Variants in C13orf46 observed in about 807,000 individuals in gnomAD.
C13orf46 encodes the protein chromosome 13 open reading frame 46.
chr13:113,945,672 G>GAAAGAAA, the C13orf46 span, among the ~76,000 whole-genome samples: 8 of 131,306 alleles, frequency 6.1e-5, no homozygotes, highest in Non-Finnish European at 1.2e-4. Flanking sequence ...AAGAAAGAAA[G>GAAAGAAA]GAAAGAAAAA....
chr13:113,958,078 CTGTA>C (rs2052556328), intron 6 of C13orf46, among the ~76,000 whole-genome samples: 1 of 144,524 alleles, frequency 6.9e-6, no homozygotes, highest in Non-Finnish European at 1.5e-5. Flanking sequence ...CCCCTGCACT[CTGTA>C]TGCACCCCCT....
the C13orf46 span, among the ~76,000 whole-genome samples, chr13:113,933,968 T>G: frequency 6.6e-6 from 1 of 152,196 alleles, no homozygotes; most frequent in Non-Finnish European, 1.5e-5. Flanking sequence ...GTGGAGATTC[T>G]GCGATGTGTG....
At chr13:113,972,503 G>A (rs1359091255) in intron 1 of C13orf46, among the ~76,000 whole-genome samples, 1 of 152,200 alleles carries the variant, frequency 6.6e-6, no homozygotes, top group African/African-American at 2.4e-5. Flanking sequence ...CGCGGGAGGG[G>A]AGGGGAGCGC....
At chr13:113,935,416 G>A in the C13orf46 span, among the ~76,000 whole-genome samples, 1 of 152,268 alleles carries the variant, frequency 6.6e-6, no homozygotes, top group African/African-American at 2.4e-5. Context: ...CGGCTGTGAA[G>A]CGCTGGCCCT....
the C13orf46 span, among the ~76,000 whole-genome samples, chr13:113,929,561 C>T: frequency 6.6e-6 from 1 of 152,234 alleles, no homozygotes. Flanking sequence ...TGGGCCAAGG[C>T]TGGACAGGGA....
chr13:113,942,070 G>C, the C13orf46 span, among the ~76,000 whole-genome samples: 2 of 152,372 alleles, frequency 1.3e-5, no homozygotes, highest in East Asian at 3.9e-4. Context: ...GGGCCAACAT[G>C]AAGAGCTGCC....
the C13orf46 span, among the ~76,000 whole-genome samples, chr13:113,946,820 G>C: frequency 6.6e-6 from 1 of 152,280 alleles, no homozygotes; most frequent in East Asian, 1.9e-4. Flanking sequence ...GCGCCCGGCA[G>C]CTCTCTGAGG....
the C13orf46 span, among the ~76,000 whole-genome samples, chr13:113,941,956 A>G: frequency 2.6e-5 from 4 of 152,350 alleles, no homozygotes; most frequent in South Asian, 2.1e-4. Context: ...TTGCTCCTCC[A>G]GAGCAGGGAA....
In C13orf46 at chr13:113,956,437, T is replaced by C. The variant is rs2052535295; in HGVS notation, c.*336A>G. 1.9e-5 allele frequency: 3 copies of C among 155,868 alleles called. No individual in the cohort carries two copies. The highest frequency in any genetic ancestry group is 3.7e-4 in the South Asian group (2 of 5,346). The allele number at this position is 155,868 out of a possible 1,614,324, so 9.7% of individuals were successfully genotyped here. A position where few individuals can be genotyped will look rare whatever the true frequency, so the allele number is the denominator to read the frequency against. Reference sequence around the variant, plus strand: ...GGTGGAGAGGAGGAGCATCTTCCCGTGCTTGTTTATTGTGTTTGTTGAAGG... The same window carrying C: ...GGTGGAGAGGAGGAGCATCTTCCCGCGCTTGTTTATTGTGTTTGTTGAAGG... On this transcript the variant is annotated 3_prime_UTR_variant, in exon 7 of 7. Transcript: ENST00000636427.
intron 6 of C13orf46, among the ~76,000 whole-genome samples, chr13:113,959,900 A>G (rs1361467599): frequency 6.6e-6 from 1 of 152,246 alleles, no homozygotes; most frequent in East Asian, 1.9e-4. Flanking sequence ...AATTTTGAAA[A>G]GAATTCTGTG....
downstream of C13orf46, among the ~76,000 whole-genome samples, chr13:113,950,436 G>A (rs1002364882): frequency 6.6e-5 from 10 of 150,918 alleles, no homozygotes; most frequent in Non-Finnish European, 1.5e-4. Context: ...CCCATCTGTA[G>A]AGTGGGGTCC....
At chr13:113,952,664 G>A (rs1343976209), downstream of C13orf46, among the ~76,000 whole-genome samples, 1 of 152,218 alleles carries the variant, frequency 6.6e-6, no homozygotes, top group South Asian at 2.1e-4. Context: ...GTGCCCCATA[G>A]GACTGAAGGC....
At chr13:113,930,366 AGGAGCACC>A in the C13orf46 span, among the ~76,000 whole-genome samples, 1 of 82,688 alleles carries the variant, frequency 1.2e-5, no homozygotes, top group African/African-American at 6.3e-5. Flanking sequence ...GTGGGGGCGC[AGGAGCACC>A]GAGGCGGGGG....
chr13:113,972,427 A>C (rs879321361), intron 1 of C13orf46, among the ~76,000 whole-genome samples: 1 of 152,192 alleles, frequency 6.6e-6, no homozygotes, highest in African/African-American at 2.4e-5. Context: ...CCCGAGTCCT[A>C]CCGGGCTGTC....
chr13:113,945,782 G>A, the C13orf46 span, among the ~76,000 whole-genome samples: 4 of 152,254 alleles, frequency 2.6e-5, no homozygotes, highest in South Asian at 4.1e-4. Flanking sequence ...CTTGGGAGGC[G>A]TCGAATCGTC....
the C13orf46 span, among the ~76,000 whole-genome samples, chr13:113,929,135 A>C: frequency 3.9e-5 from 6 of 152,188 alleles, no homozygotes; most frequent in Non-Finnish European, 5.9e-5. Context: ...CCGTGTACAG[A>C]CACTGTGCGG....
At chr13:113,937,703 G>T in the C13orf46 span, among the ~76,000 whole-genome samples, 2 of 152,292 alleles carry the variant, frequency 1.3e-5, no homozygotes, top group South Asian at 2.1e-4. Flanking sequence ...CGCTGGTTCG[G>T]TCCGGAAAGG....
At chr13:113,927,272 A>C in the C13orf46 span, 2 of 343,362 alleles carry the variant, frequency 5.8e-6, no homozygotes, top group East Asian at 4.3e-5. Flanking sequence ...CTAGGGGCTA[A>C]GGGTATGGGG....
At chr13:113,945,458 T>C in the C13orf46 span, among the ~76,000 whole-genome samples, 2 of 151,420 alleles carry the variant, frequency 1.3e-5, no homozygotes, top group South Asian at 2.1e-4. Flanking sequence ...GGCAGGAGAA[T>C]GGCGTGAACC....
Sources: allele counts gnomAD v4.1 joint callset (sites outside exome capture counted in the v4.1 genomes callset), GRCh38; gene constraint gnomAD v4.1.1; transcripts MANE v1.5; gene names NCBI Gene and HGNC (gene_info 2026-07-23, HGNC 2026-07-21).